The following INTS7 variants were observed in gnomAD, a reference collection of about 807,000 sequenced individuals.
INTS7 encodes the protein chromosome 1 open reading frame 73.
INTS7 carries 46 observed loss-of-function variants against 109.2 expected under a neutral mutation model. That is an observed-to-expected ratio of 0.42 (90% confidence interval 0.33 to 0.54). INTS7 has a LOEUF of 0.54. Ranked by LOEUF, INTS7 falls within the 20% of genes least tolerant of loss-of-function variation. The pLI is 0.07. For missense variants in INTS7, 929 were observed against 1,132.4 expected, an observed-to-expected ratio of 0.82 and a Z score of 2.58; for synonymous variants, 412 against 402.9, an observed-to-expected ratio of 1.02 and a Z score of -0.27.
chr1:212,024,406 G>C (rs1457596772), intron 1 of INTS7, among the ~76,000 whole-genome samples: 1 of 152,076 alleles, frequency 6.6e-6, no homozygotes, highest in Admixed American at 6.5e-5. Context: ...TCTCGTTGTA[G>C]AGATCTTTCA....
In INTS7 at chr1:211,940,537, T is replaced by C. The variant is rs1168720449; in HGVS notation, c.*1287A>G. 1 of 152,222 alleles carries C rather than the reference T, an allele frequency of 6.6e-6. No homozygotes were observed. The highest frequency in any genetic ancestry group is 2.4e-5 in the African/African-American group (1 of 41,470). 9.4% of individuals were successfully genotyped at this position (152,222 alleles called of 1,614,324 possible). On this transcript the variant is annotated 3_prime_UTR_variant, in exon 20 of 20. Transcript: ENST00000366994. ...TATGATCCCTGATGTTTAGAAATCG[T>C]GATCCTGAAGCCCTAAATGATCCCC...
intron 17 of INTS7, among the ~76,000 whole-genome samples, chr1:211,947,567 A>T (rs1361671804): frequency 6.6e-6 from 1 of 152,158 alleles, no homozygotes; most frequent in Admixed American, 6.5e-5. Flanking sequence ...CGGGGGCACT[A>T]GCTGCGGGAG....
intron 17 of INTS7, 86 bp downstream of exon 17, chr1:211,952,483 T>C (rs1663143302): frequency 1.5e-6 from 2 of 1,364,744 alleles, no homozygotes; most frequent in Non-Finnish European, 1.0e-6. Context: ...AAAGGTTAAT[T>C]TGTTGAACTC....
chr1:211,977,055 G>A (rs1286052717), intron 11 of INTS7, among the ~76,000 whole-genome samples: 3 of 152,052 alleles, frequency 2.0e-5, no homozygotes, highest in African/African-American at 7.2e-5. Flanking sequence ...TATGCAAAAT[G>A]CAAAAGATTA....
intron 7 of INTS7, among the ~76,000 whole-genome samples, chr1:211,988,905 T>C (rs1665021951): frequency 6.6e-6 from 1 of 152,222 alleles, no homozygotes; most frequent in African/African-American, 2.4e-5. Context: ...AATAAGATGC[T>C]AGTTTTTCTT....
intron 1 of INTS7, among the ~76,000 whole-genome samples, chr1:212,023,232 T>C (rs1174503013): frequency 6.6e-6 from 1 of 152,218 alleles, no homozygotes; most frequent in Non-Finnish European, 1.5e-5. Context: ...ATGTGTCTTT[T>C]GGGCAGAATG....
intron 7 of INTS7, among the ~76,000 whole-genome samples, chr1:212,002,795 G>A (rs1174094317): frequency 2.0e-5 from 3 of 152,232 alleles, no homozygotes; most frequent in East Asian, 1.9e-4. Context: ...TCTGCCTAGC[G>A]GAAGCAAATG....
At chr1:211,965,098 T>C (rs908415730) in intron 16 of INTS7, among the ~76,000 whole-genome samples, 2 of 151,940 alleles carry the variant, frequency 1.3e-5, no homozygotes, top group African/African-American at 4.8e-5. Flanking sequence ...GGAACTTGAA[T>C]TATTTACAAG....
chr1:212,007,805 G>C (rs958287703), intron 5 of INTS7, among the ~76,000 whole-genome samples: 2 of 151,904 alleles, frequency 1.3e-5, no homozygotes, highest in African/African-American at 2.4e-5. Flanking sequence ...ACACTTGATG[G>C]CTACAGTCTG....
chr1:212,009,650 G>C (rs1666079902), intron 5 of INTS7, among the ~76,000 whole-genome samples: 1 of 152,150 alleles, frequency 6.6e-6, no homozygotes, highest in Admixed American at 6.5e-5. Context: ...ATCCCCTATA[G>C]TACACCCTGA....
intron 7 of INTS7, among the ~76,000 whole-genome samples, chr1:211,988,979 A>G (rs1199741914): frequency 6.6e-6 from 1 of 152,220 alleles, no homozygotes; most frequent in East Asian, 1.9e-4. Context: ...CCTTTATCAC[A>G]TGATTCTGTA....
intron 7 of INTS7, among the ~76,000 whole-genome samples, chr1:211,989,826 A>C (rs1411631036): frequency 6.6e-6 from 1 of 152,042 alleles, no homozygotes; most frequent in East Asian, 1.9e-4. Context: ...CGTTTCAAAA[A>C]AAAAAAAAAA....
At chr1:211,949,449 G>A (rs987991106) in intron 17 of INTS7, among the ~76,000 whole-genome samples, 1 of 152,114 alleles carries the variant, frequency 6.6e-6, no homozygotes, top group Admixed American at 6.6e-5. Context: ...ATTCAAGCTG[G>A]AAACCTGGAA....
chr1:211,985,252 T>G (rs2102433650), intron 8 of INTS7, among the ~76,000 whole-genome samples: 1 of 152,356 alleles, frequency 6.6e-6, no homozygotes, highest in South Asian at 2.1e-4. Context: ...TGTTTTAAGG[T>G]GCCTTTTTCT....
chr1:211,979,309 G>A (rs1019546462), intron 10 of INTS7, among the ~76,000 whole-genome samples: 2 of 152,168 alleles, frequency 1.3e-5, no homozygotes, highest in Non-Finnish European at 2.9e-5. Context: ...AGCCATCAGT[G>A]GGGTGTCAGG....
intron 13 of INTS7, among the ~76,000 whole-genome samples, chr1:211,969,029 A>G (rs1445992145): frequency 6.6e-6 from 1 of 152,182 alleles, no homozygotes; most frequent in Non-Finnish European, 1.5e-5. Context: ...TCACGCCTGT[A>G]ATCCCAGCAC....
At chr1:212,022,255 A>G (rs926414621) in intron 1 of INTS7, among the ~76,000 whole-genome samples, 8 of 152,230 alleles carry the variant, frequency 5.3e-5, no homozygotes, top group Non-Finnish European at 1.0e-4. Flanking sequence ...TAGGTTAGGC[A>G]AAGAATTCTT....
intron 16 of INTS7, among the ~76,000 whole-genome samples, chr1:211,955,321 C>T (rs1004620581): frequency 6.6e-6 from 1 of 152,184 alleles, no homozygotes; most frequent in Admixed American, 6.5e-5. Flanking sequence ...TCTAGATATA[C>T]AATCATGTCA....
chr1:211,964,835 A>T (rs1444944427), intron 16 of INTS7, among the ~76,000 whole-genome samples: 2 of 152,234 alleles, frequency 1.3e-5, no homozygotes, highest in Non-Finnish European at 2.9e-5. Flanking sequence ...TGGATTAAAG[A>T]CTTAAATGTA....
Sources: gnomAD v4.1 joint callset for allele counts (sites outside exome capture counted in the v4.1 genomes callset) on GRCh38, gnomAD v4.1.1 for gene constraint, MANE v1.5 for transcripts, NCBI Gene and HGNC (gene_info 2026-07-23, HGNC 2026-07-21) for gene names.